The following DMD variants were observed in gnomAD, a reference collection of about 807,000 sequenced individuals.
DMD encodes dystrophin.
In DMD, 63 loss-of-function variants were observed where a neutral mutation model predicts 330.1. The ratio of observed to expected loss-of-function variants is 0.19; its 90% CI spans 0.16 to 0.24. DMD has a LOEUF of 0.24. DMD is among the 10% of genes least tolerant of loss of function. The probability of loss-of-function intolerance (pLI) is 1.00; values close to 1 mark genes in which losing one functional copy is unlikely to be tolerated. For synonymous variants in DMD, 1,223 were observed against 959.8 expected (o/e 1.27, Z -5.07); for missense variants, 3,344 against 2,684.1 (o/e 1.25, Z -5.43).
At chrX:31,138,650 AGAGAGAGAGAGAGAGAGAG>A (rs1473516539) in intron 76 of DMD, among the ~76,000 whole-genome samples, 2 of 84,006 alleles carry the variant, frequency 2.4e-5, no homozygotes, top group Non-Finnish European at 4.8e-5. Context: ...AGAGAGAGAG[AGAGAGAGAGAGAGAGAGAG>A]AGAGAGAGAG....
chrX:32,248,257 A>C (rs919510509), intron 43 of DMD, among the ~76,000 whole-genome samples: 5 of 111,827 alleles, frequency 4.5e-5, no homozygotes, highest in Admixed American at 9.6e-5. Flanking sequence ...ATATTTAATG[A>C]AAATGCCGTT....
At chrX:32,855,723 C>T (rs190366909) in intron 2 of DMD, among the ~76,000 whole-genome samples, 1 of 112,003 alleles carries the variant, frequency 8.9e-6, no homozygotes, top group East Asian at 2.8e-4. Context: ...TACAAGAAAT[C>T]ATTGGGATAA....
At chrX:32,462,398 C>T (rs1476571380) in intron 25 of DMD, among the ~76,000 whole-genome samples, 3 of 111,792 alleles carry the variant, frequency 2.7e-5, no homozygotes, top group Admixed American at 9.5e-5. Flanking sequence ...TGCAGATGAT[C>T]GGGGACTAAT....
At chrX:33,002,990 T>C (rs945394455) in intron 2 of DMD, among the ~76,000 whole-genome samples, 1 of 110,202 alleles carries the variant, frequency 9.1e-6, no homozygotes, top group African/African-American at 3.3e-5. Context: ...TTTTCAAAAT[T>C]TTAAATTTTT....
chrX:33,317,927 C>A (rs973078932), intron 1 of DMD, among the ~76,000 whole-genome samples: 1 of 111,599 alleles, frequency 9.0e-6, no homozygotes, highest in Non-Finnish European at 1.9e-5. Flanking sequence ...AAAGTTTCTA[C>A]AGAAGGGAAC....
chrX:33,323,891 T>C (rs912802320), intron 1 of DMD, among the ~76,000 whole-genome samples: 1 of 111,075 alleles, frequency 9.0e-6, no homozygotes, highest in African/African-American at 3.3e-5. Context: ...TGTAATCGAA[T>C]GCTTCCATTT....
chrX:32,943,231 C>T (rs1174794211), intron 2 of DMD, among the ~76,000 whole-genome samples: 1 of 111,297 alleles, frequency 9.0e-6, no homozygotes, highest in Non-Finnish European at 1.9e-5. Flanking sequence ...GAATCATGTA[C>T]AGATAATTTG....
Position 31,826,300 on chromosome X carries a change from T to C in DMD, c.7201-6217A>G, listed in dbSNP as rs996283050. Among the ~76,000 whole-genome samples, 15 of 111,937 alleles carry C rather than the reference T, an allele frequency of 1.3e-4. No individual in the cohort carries two copies. In the Admixed American group the frequency reaches 1.4e-3, roughly 11 times the overall value. ...TCACAAATGTCTGAGGACACTGCAA[T>C]GGGTCAAAGGTTCAATAAGCTCAGA... On this transcript the variant is annotated intron_variant, in intron 49 of 78. Coordinates refer to ENST00000357033, the MANE Select transcript of DMD (RefSeq NM_004006.3).
At chrX:31,740,808 A>C (rs1355947374) in intron 51 of DMD, among the ~76,000 whole-genome samples, 2 of 111,681 alleles carry the variant, frequency 1.8e-5, no homozygotes, top group Non-Finnish European at 3.8e-5. Context: ...TAAGACAACA[A>C]CGAAGTTTGC....
chrX:31,451,276 TTTCC>T (rs1363863378), intron 59 of DMD, among the ~76,000 whole-genome samples: 1 of 64,744 alleles, frequency 1.5e-5, no homozygotes, highest in East Asian at 5.3e-4. Context: ...CCTTCCTTTC[TTTCC>T]TTTTTTTTTT....
intron 48 of DMD, among the ~76,000 whole-genome samples, chrX:31,861,907 G>A (rs1386027126): frequency 1.1e-4 from 10 of 94,618 alleles, no homozygotes; most frequent in Non-Finnish European, 8.2e-5. Context: ...TATTCTAACA[G>A]CTGGCTTTAT....
In DMD at chrX:31,951,159, GTA is replaced by G. The variant is rs747836033; in HGVS notation, c.6614+17178_6614+17179del. The stretch of plus-strand genomic sequence containing the variant: ...TATATATGTGTATATATATATATAT[GTA>G]TATATATATATATGTATATATATAT... On this transcript the variant is annotated intron_variant, in intron 45 of 78. Coordinates refer to ENST00000357033, the MANE Select transcript of DMD (RefSeq NM_004006.3). Among the ~76,000 whole-genome samples the G allele has an allele frequency of 8.9e-3, 638 of 71,674 alleles. 12 individuals carry two copies. Among genetic ancestry groups the G allele is most frequent in the Non-Finnish European group, 0.012 (448 of 37,873 alleles). 62.2% of individuals were successfully genotyped at this position (71,674 alleles called of 115,157 possible).
At chrX:31,324,079 T>G (rs2036231966) in intron 61 of DMD, among the ~76,000 whole-genome samples, 2 of 111,597 alleles carry the variant, frequency 1.8e-5, no homozygotes, top group Admixed American at 9.5e-5. Flanking sequence ...GTGATATATT[T>G]ACATTCTAAG....
rs139682342 is a variant in DMD at position 31,922,028 on chromosome X, C to T, written c.6912+7568G>A. 7.1e-3 allele frequency among the ~76,000 whole-genome samples: 790 copies of T among 111,561 alleles called. 25 individuals are homozygous for T. In the East Asian group the frequency reaches 0.11, roughly 16 times the overall value. The stretch of plus-strand genomic sequence containing the variant: ...CAGTTTTTTGTTATAATGTTGGTTG[C>T]GTTGGGTCTCAGGGGCAGGCCTCTG... On this transcript the variant is annotated intron_variant, in intron 47 of 78. Coordinates refer to ENST00000357033, the MANE Select transcript of DMD (RefSeq NM_004006.3).
intron 41 of DMD, among the ~76,000 whole-genome samples, chrX:32,336,054 C>T (rs753747999): frequency 4.8e-5 from 2 of 42,071 alleles, no homozygotes; most frequent in South Asian, 1.7e-3. Context: ...GTATATATAA[C>T]GTTATATATA....
chrX:31,277,096 A>G (rs895508268), intron 62 of DMD, among the ~76,000 whole-genome samples: 3 of 111,552 alleles, frequency 2.7e-5, no homozygotes, highest in Non-Finnish European at 5.6e-5. Flanking sequence ...CATGTATAAC[A>G]TGTTTTGAAA....
chrX:31,881,890 T>C (rs1168128711), intron 47 of DMD, among the ~76,000 whole-genome samples: 1 of 112,247 alleles, frequency 8.9e-6, no homozygotes, highest in Non-Finnish European at 1.9e-5. Context: ...TGCTAGTAAT[T>C]TGGTAATTCA....
rs746983362 is a variant in DMD at position 31,520,172 on chromosome X, TC to T, written c.8218-12720del. On this transcript the variant is annotated intron_variant, in intron 55 of 78. Transcript: ENST00000357033. ...ACATTTCCTCATTCTTAGAACCCAT[TC>T]ATGAGCTTTCCATTGTGATATGGTT... is the stretch of plus-strand genomic sequence containing the variant. Among the ~76,000 whole-genome samples, 31 of 111,931 alleles carry T rather than the reference TC, an allele frequency of 2.8e-4. No individual in the cohort carries two copies. In the East Asian group the frequency reaches 7.9e-3, roughly 29 times the overall value.
chrX:31,332,416 A>G lies in DMD; in HGVS notation c.9164-8758T>C, dbSNP rs142677751. Among the ~76,000 whole-genome samples, 431 of 111,968 alleles carry G rather than the reference A, an allele frequency of 3.8e-3. 5 individuals carry two copies. Among genetic ancestry groups the G allele is most frequent in the African/African-American group, 0.013 (410 of 30,846 alleles). ...TGTGGCATTATTGTGGATACAGCTG[A>G]CAGAGAGAGGAGTAGAGAGAGAAGG... On this transcript the variant is annotated intron_variant, in intron 61 of 78. Coordinates refer to ENST00000357033, the MANE Select transcript of DMD (RefSeq NM_004006.3).
Sources: allele counts gnomAD v4.1 joint callset (sites outside exome capture counted in the v4.1 genomes callset), GRCh38; gene constraint gnomAD v4.1.1; transcripts MANE v1.5; gene names NCBI Gene and HGNC (gene_info 2026-07-23, HGNC 2026-07-21).